BLNK: variants seen among roughly 807,000 people sequenced by gnomAD.
BLNK encodes B-cell linker protein.
Under a neutral mutation model 73.5 loss-of-function variants are expected in BLNK, and 29 were observed. The ratio of observed to expected loss-of-function variants is 0.39; its 90% CI spans 0.29 to 0.54. BLNK has a LOEUF of 0.54. Ranked by LOEUF, BLNK falls within the 20% of genes least tolerant of loss-of-function variation. BLNK has a pLI of 0.61. For missense variants in BLNK, 460 were observed against 562.8 expected, an observed-to-expected ratio of 0.82 and a Z score of 1.85; for synonymous variants, 176 against 200.8, an observed-to-expected ratio of 0.88 and a Z score of 1.04.
At position 96,231,726 on chromosome 10, in the gene BLNK, CAAAAA is replaced by C. The variant is rs148206344; in HGVS notation, c.164-897_164-893del. Among the ~76,000 whole-genome samples, 293 of 113,194 alleles carry C rather than the reference CAAAAA, an allele frequency of 2.6e-3. 2 individuals are homozygous for C. The highest frequency in any genetic ancestry group is 5.8e-3 in the African/African-American group (177 of 30,602). The allele number at this position is 113,194 out of a possible 152,430, so 74.3% of individuals were successfully genotyped here. Reference sequence around the variant, plus strand: ...GGGATGACAGAGTAAGACCCTGTCTCAAAAAAAAAAAAAAAAAAAAAAATCACCTA... The same window carrying C: ...GGGATGACAGAGTAAGACCCTGTCTCAAAAAAAAAAAAAAAAAATCACCTA... On this transcript the variant is annotated intron_variant, in intron 3 of 16. Transcript: ENST00000224337.
rs1554896019 is a variant in BLNK at position 96,201,043 on chromosome 10, C to T, written c.950G>A (p.Gly317Glu). The change falls in exon 14 of 17, where the codon GGA becomes GAA. Residue 317 changes from glycine (G) to glutamate (E), a missense_variant. Physicochemically the swap from Gly to Glu is moderately conservative, Grantham distance 98. Around this residue, in one of 3 missense-constraint regions of BLNK, gnomAD observed 233 missense variants for 232.1 expected, o/e 1.00. Coordinates refer to ENST00000224337, the MANE Select transcript of BLNK (RefSeq NM_013314.4). ...TAGGGGCCCATCCACAGTTGGGTTTCCCCCTTCTGTAAATCCTGAAAGGGA... is the reference window on the plus strand; with the variant it reads ...TAGGGGCCCATCCACAGTTGGGTTTTCCCCTTCTGTAAATCCTGAAAGGGA... Reference protein sequence around the residue: ...PIPLPRFTEGGNPTVDGPLPS... With the variant: ...PIPLPRFTEGENPTVDGPLPS... The T allele has an allele frequency of 2.5e-6, 4 of 1,613,870 alleles. No homozygotes were observed. Among genetic ancestry groups the T allele is most frequent in the African/African-American group, 2.7e-5 (2 of 74,906 alleles).
At chr10:96,206,065 G>A (rs1013839443) in intron 11 of BLNK, among the ~76,000 whole-genome samples, 13 of 152,154 alleles carry the variant, frequency 8.5e-5, no homozygotes, top group African/African-American at 3.1e-4. Context: ...AAATAGCCTA[G>A]GGAAGCAAGA....
At chr10:96,221,958 G>A (rs1554901229) in intron 6 of BLNK, among the ~76,000 whole-genome samples, 2 of 152,202 alleles carry the variant, frequency 1.3e-5, no homozygotes, top group African/African-American at 2.4e-5. Flanking sequence ...AGAGGGGGAT[G>A]CCCTGGGGCC....
intron 3 of BLNK, among the ~76,000 whole-genome samples, chr10:96,232,146 C>G (rs2134048093): frequency 6.6e-6 from 1 of 152,336 alleles, no homozygotes; most frequent in South Asian, 2.1e-4. Flanking sequence ...AGGAATCAAG[C>G]AGACACAGGC....
chr10:96,239,253 T>C (rs1842804615), intron 3 of BLNK: 1 of 398,308 alleles, frequency 2.5e-6, no homozygotes. Context: ...AGAGGCTCAC[T>C]TTATCACTGG....
chr10:96,193,287 G>A (rs1554893927), intron 16 of BLNK, among the ~76,000 whole-genome samples: 1 of 152,156 alleles, frequency 6.6e-6, no homozygotes, highest in African/African-American at 2.4e-5. Flanking sequence ...TAAACCAAAT[G>A]CAGTTGAAAG....
intron 6 of BLNK, among the ~76,000 whole-genome samples, chr10:96,222,092 C>T (rs140912008): frequency 6.0e-4 from 92 of 152,256 alleles, no homozygotes; most frequent in African/African-American, 2.0e-3. Context: ...TATATTAAAC[C>T]CCTCTGTGTG....
At chr10:96,224,296 A>G (rs1195955680) in intron 5 of BLNK, among the ~76,000 whole-genome samples, 1 of 152,196 alleles carries the variant, frequency 6.6e-6, no homozygotes, top group East Asian at 1.9e-4. Context: ...TGGAAGCAGC[A>G]CTGGAGGGCA....
intron 3 of BLNK, among the ~76,000 whole-genome samples, chr10:96,235,309 A>C (rs888860563): frequency 6.6e-6 from 1 of 152,222 alleles, no homozygotes; most frequent in Admixed American, 6.5e-5. Context: ...GGGCTCAATG[A>C]ATGTTAGCTA....
chr10:96,230,794 A>G lies in BLNK; in HGVS notation c.204T>C (p.Phe68=), dbSNP rs782459259. 5 of 1,609,630 alleles carry G rather than the reference A, an allele frequency of 3.1e-6. No individual in the cohort carries two copies. Among genetic ancestry groups the G allele is most frequent in the Non-Finnish European group, 4.2e-6 (5 of 1,178,258 alleles). ...ADEEEQWSDD[F]DSDYENPDEH... is the part of the protein sequence containing the mutation. ...CCTGGTCCCAGGAGCAAATACTTAC[A>G]AAGTCATCGGACCACTGCTCCTCTT... The change falls in exon 4 of 17, where the codon TTT becomes TTC. Residue 68 remains phenylalanine (F), a splice_region_variant and synonymous_variant. Transcript: ENST00000224337.
chr10:96,208,664 A>C (rs1184995750), intron 9 of BLNK, among the ~76,000 whole-genome samples: 2 of 152,104 alleles, frequency 1.3e-5, no homozygotes, highest in African/African-American at 4.8e-5. Context: ...TAAATTTCTT[A>C]ATTTAAAAAC....
At chr10:96,267,037 A>T (rs779861706) in intron 1 of BLNK, among the ~76,000 whole-genome samples, 6 of 152,244 alleles carry the variant, frequency 3.9e-5, no homozygotes, top group Non-Finnish European at 8.8e-5. Flanking sequence ...GTAACTGGCC[A>T]TTAGAATCAG....
chr10:96,247,178 T>G, intron 1 of BLNK, 129 bp from the exon 2 acceptor site: 1 of 625,158 alleles, frequency 1.6e-6, no homozygotes, highest in Non-Finnish European at 2.8e-6. Flanking sequence ...TAGGATGAAT[T>G]ATATTGTATT....
In BLNK at chr10:96,190,083, C is replaced by A; in HGVS notation, c.*1890G>T. Reference sequence around the variant, plus strand: ...CCTTTGCACCAGCCCCTAAACTGACCGTTCTTAAGGATAACTGGTGCTCAT... The same window carrying A: ...CCTTTGCACCAGCCCCTAAACTGACAGTTCTTAAGGATAACTGGTGCTCAT... On this transcript the variant is annotated 3_prime_UTR_variant, in exon 17 of 17. Transcript: ENST00000224337. The A allele has an allele frequency of 1.1e-6, 1 of 872,418 alleles. No homozygotes were observed. Among genetic ancestry groups the A allele is most frequent in the Non-Finnish European group, 1.9e-6 (1 of 518,646 alleles). The allele number at this position is 872,418 out of a possible 1,614,324, so 54.0% of individuals were successfully genotyped here.
intron 3 of BLNK, among the ~76,000 whole-genome samples, chr10:96,240,397 G>A (rs1423553201): frequency 6.6e-6 from 1 of 151,722 alleles, no homozygotes; most frequent in Non-Finnish European, 1.5e-5. Context: ...AGTTGCACAG[G>A]ACAACTCTAT....
intron 1 of BLNK, among the ~76,000 whole-genome samples, chr10:96,251,889 A>G (rs1054728638): frequency 1.1e-4 from 17 of 152,252 alleles, no homozygotes; most frequent in African/African-American, 4.1e-4. Context: ...AAAAGTCACC[A>G]TTTGAAAGTT....
At chr10:96,237,742 G>A (rs782489142) in intron 3 of BLNK, among the ~76,000 whole-genome samples, 6 of 152,126 alleles carry the variant, frequency 3.9e-5, no homozygotes, top group Non-Finnish European at 8.8e-5. Flanking sequence ...TAAGAAAAAA[G>A]TTCCCCCAAA....
intron 6 of BLNK, among the ~76,000 whole-genome samples, chr10:96,219,447 C>G (rs2084144353): frequency 6.6e-6 from 1 of 152,190 alleles, no homozygotes; most frequent in Non-Finnish European, 1.5e-5. Flanking sequence ...GCATGCCACC[C>G]TCTTAAACCC....
chr10:96,247,071 A>G (rs781812757), intron 1 of BLNK, 22 bp from the exon 2 acceptor site: 10 of 1,542,438 alleles, frequency 6.5e-6, no homozygotes, highest in East Asian at 4.5e-5. Flanking sequence ...AAAATTAAAC[A>G]TAAGATATTA....
Sources: allele counts gnomAD v4.1 joint callset (sites outside exome capture counted in the v4.1 genomes callset), GRCh38; gene constraint gnomAD v4.1.1; regional missense constraint gnomAD v4.1.1; transcripts MANE v1.5; gene names NCBI Gene and HGNC (gene_info 2026-07-23, HGNC 2026-07-21).